The following CD99 variants were observed in gnomAD, a reference collection of about 807,000 sequenced individuals.
The protein encoded by CD99 is CD99 molecule (Xg blood group).
CD99 carries 19 observed loss-of-function variants against 28.4 expected under a neutral mutation model. The observed-to-expected ratio is 0.67, with a 90% CI of 0.47 to 0.98. The LOEUF (loss-of-function observed/expected upper bound fraction) is 0.98. Among genes scored for constraint, CD99 ranks in the 50% least tolerant of loss-of-function variants. CD99 has a pLI of 0.00. For synonymous variants in CD99, 103 were observed against 92.1 expected (o/e 1.12, Z -0.67); for missense variants, 283 against 248.8 (o/e 1.14, Z -0.92).
intron 5 of CD99, among the ~76,000 whole-genome samples, chrX:2,721,281 T>C (rs1244436946): frequency 1.3e-5 from 2 of 151,998 alleles, no homozygotes; most frequent in South Asian, 2.1e-4. Flanking sequence ...GTATTTTATA[T>C]ATCTTTTTTT....
chrX:2,737,366 C>T (rs1430110780), intron 8 of CD99, among the ~76,000 whole-genome samples: 1 of 149,462 alleles, frequency 6.7e-6, no homozygotes, highest in East Asian at 2.0e-4. Context: ...TTAATAGAGA[C>T]GGGGTTTCAC....
At chrX:2,708,707 G>GGT (rs1415099914) in intron 1 of CD99, among the ~76,000 whole-genome samples, 7 of 152,162 alleles carry the variant, frequency 4.6e-5, no homozygotes, top group African/African-American at 1.4e-4. Context: ...AGGGCGTGAG[G>GGT]GGCATACTGT....
intron 8 of CD99, chrX:2,727,467 G>A: frequency 1.4e-6 from 1 of 703,448 alleles, no homozygotes; most frequent in Admixed American, 2.0e-5. Flanking sequence ...CATCGACCGG[G>A]AACAGCTACT....
intron 6 of CD99, 139 bp from the exon 7 acceptor site, chrX:2,723,175 A>C: frequency 1.2e-6 from 1 of 844,588 alleles, no homozygotes; most frequent in Non-Finnish European, 2.0e-6. Flanking sequence ...TGTAATAGGC[A>C]GGACCCCAGC....
At chrX:2,740,051 C>G (rs1466572763) in intron 9 of CD99, among the ~76,000 whole-genome samples, 1 of 151,822 alleles carries the variant, frequency 6.6e-6, no homozygotes, top group Non-Finnish European at 1.5e-5. Context: ...AAGATTGCGC[C>G]ATTGCACTCC....
At chrX:2,723,876 T>G (rs2049130779) in intron 7 of CD99, among the ~76,000 whole-genome samples, 1 of 151,142 alleles carries the variant, frequency 6.6e-6, no homozygotes, top group African/African-American at 2.4e-5. Context: ...AAGAAAATAA[T>G]GACAGACAGA....
intron 1 of CD99, among the ~76,000 whole-genome samples, chrX:2,697,513 G>T (rs2047632719): frequency 6.6e-6 from 1 of 152,058 alleles, no homozygotes; most frequent in African/African-American, 2.4e-5. Context: ...TTTCTGCTTT[G>T]CCTGACCCTG....
At chrX:2,727,364 G>T (rs2049346864) in intron 8 of CD99, 3 of 778,046 alleles carry the variant, frequency 3.9e-6, no homozygotes, top group Non-Finnish European at 7.2e-6. Flanking sequence ...CCTGCTATTT[G>T]GAACACAGCT....
chrX:2,691,313 G>A lies in CD99; in HGVS notation c.-48G>A, dbSNP rs1223931747. ...GGGGAGTATCTGTCCTGCCGCCTTC[G>A]CCCACGCCCTGCACTCCGGGACCGT... is the stretch of plus-strand genomic sequence containing the variant. On this transcript the variant is annotated 5_prime_UTR_variant, in exon 1 of 10. Coordinates refer to ENST00000381192, the MANE Select transcript of CD99 (RefSeq NM_002414.5). The A allele has an allele frequency of 4.1e-6, 6 of 1,478,476 alleles. No individual in the cohort carries two copies. The highest frequency in any genetic ancestry group is 4.4e-5 in the Admixed American group (2 of 45,166). The allele number at this position is 1,478,476 out of a possible 1,614,324, so 91.6% of individuals were successfully genotyped here. A position where few individuals can be genotyped will look rare whatever the true frequency, so the allele number is the denominator to read the frequency against.
chrX:2,710,304 T>C (rs185352123), intron 1 of CD99, among the ~76,000 whole-genome samples: 8 of 152,248 alleles, frequency 5.3e-5, no homozygotes, highest in Admixed American at 5.2e-4. Flanking sequence ...CTTAGAAACC[T>C]TCCGAGTCTC....
At position 2,736,070 on chromosome X, in the gene CD99, C is replaced by T. The variant is rs896017882; in HGVS notation, c.476-2130C>T. Among the ~76,000 whole-genome samples the T allele has an allele frequency of 9.7e-4, 148 of 151,808 alleles. 1 individual carries two copies. Among genetic ancestry groups the T allele is most frequent in the African/African-American group, 1.5e-3 (64 of 41,406 alleles). On this transcript the variant is annotated intron_variant, in intron 8 of 9. Coordinates refer to ENST00000381192, the MANE Select transcript of CD99 (RefSeq NM_002414.5). ...ACAAAAAATTAGCTGGGCATGGTGG[C>T]GGGCGCCTGTAGTCCCAGCTACTCG... is the stretch of plus-strand genomic sequence containing the variant.
At chrX:2,700,884 C>T (rs1274014214) in intron 1 of CD99, among the ~76,000 whole-genome samples, 60 of 151,430 alleles carry the variant, frequency 4.0e-4, no homozygotes, top group Admixed American at 1.6e-3. Flanking sequence ...CATCCATCCA[C>T]CTACTCACCC....
intron 5 of CD99, among the ~76,000 whole-genome samples, chrX:2,722,091 A>G (rs148427206): frequency 0.013 from 2,018 of 152,070 alleles, 39 homozygotes; most frequent in African/African-American, 0.045. Flanking sequence ...GAAATTTTCT[A>G]TCAACTTTCT....
intron 8 of CD99, among the ~76,000 whole-genome samples, chrX:2,732,994 C>T (rs2049746439): frequency 6.7e-6 from 1 of 148,382 alleles, no homozygotes; most frequent in South Asian, 2.2e-4. Flanking sequence ...TCACTTCTTC[C>T]TCCCTCCCTT....
At chrX:2,701,296 C>T (rs2047851236) in intron 1 of CD99, among the ~76,000 whole-genome samples, 1 of 152,200 alleles carries the variant, frequency 6.6e-6, no homozygotes, top group African/African-American at 2.4e-5. Context: ...CCCTCCCAGT[C>T]CATGGCTCTT....
At chrX:2,739,802 G>A (rs1197059931) in intron 9 of CD99, among the ~76,000 whole-genome samples, 1 of 150,820 alleles carries the variant, frequency 6.6e-6, no homozygotes, top group African/African-American at 2.4e-5. Flanking sequence ...CTCGCCAGAC[G>A]CGGTGGCTAA....
intron 5 of CD99, among the ~76,000 whole-genome samples, chrX:2,720,952 C>G (rs1247695318): frequency 2.0e-5 from 3 of 152,002 alleles, no homozygotes; most frequent in African/African-American, 7.2e-5. Context: ...TTTCCAAGTT[C>G]CATCTTATGG....
At chrX:2,719,474 A>G (rs2048895082) in intron 3 of CD99, 187 bp from the exon 4 acceptor site, 10 of 651,550 alleles carry the variant, frequency 1.5e-5, no homozygotes, top group Admixed American at 2.5e-5. Context: ...TCCTCTTTTT[A>G]TCTGAGAGAA....
intron 8 of CD99, among the ~76,000 whole-genome samples, chrX:2,735,404 G>A (rs180917021): frequency 6.6e-6 from 1 of 152,272 alleles, no homozygotes; most frequent in East Asian, 1.9e-4. Context: ...GTGGGTAGGG[G>A]TGTACGGAGC....
Sources: allele counts gnomAD v4.1 joint callset (sites outside exome capture counted in the v4.1 genomes callset), GRCh38; gene constraint gnomAD v4.1.1; transcripts MANE v1.5; gene names NCBI Gene and HGNC (gene_info 2026-07-23, HGNC 2026-07-21).